The following ANKRD17 variants were observed in gnomAD, a reference collection of about 807,000 sequenced individuals.
The protein encoded by ANKRD17 is ankyrin repeat domain 17, also known as ankyrin repeat domain-containing protein 17.
ANKRD17 carries 19 observed loss-of-function variants against 229.7 expected under a neutral mutation model. That is an observed-to-expected ratio of 0.08 (90% CI 0.06 to 0.12). The LOEUF (loss-of-function observed/expected upper bound fraction) is 0.12. ANKRD17 is among the 10% of genes least tolerant of loss of function. The probability of loss-of-function intolerance (pLI) is 1.00; values close to 1 mark genes in which losing one functional copy is unlikely to be tolerated. For synonymous variants in ANKRD17, 1,112 were observed against 1,146.1 expected, an observed-to-expected ratio of 0.97 and a Z score of 0.60; for missense variants, 2,176 against 3,176.8, an observed-to-expected ratio of 0.68 and a Z score of 7.57.
At chr4:73,203,055 A>G (rs1738887061) in intron 1 of ANKRD17, among the ~76,000 whole-genome samples, 1 of 152,234 alleles carries the variant, frequency 6.6e-6, no homozygotes, top group South Asian at 2.1e-4. Context: ...TTGCACAAAA[A>G]AAGATCAGTG....
intron 16 of ANKRD17, among the ~76,000 whole-genome samples, chr4:73,132,743 ATAGT>A (rs1420027241): frequency 6.6e-6 from 1 of 152,182 alleles, no homozygotes; most frequent in African/African-American, 2.4e-5. Flanking sequence ...TAACATGGTG[ATAGT>A]TGGTGAGTGG....
intron 24 of ANKRD17, chr4:73,113,134 A>C: frequency 8.1e-7 from 1 of 1,233,116 alleles, no homozygotes; most frequent in Non-Finnish European, 1.0e-6. Context: ...CATAATATTC[A>C]ATGCCAAACC....
At position 73,147,379 on chromosome 4, in the gene ANKRD17, C is replaced by T. The variant is rs1384173902; in HGVS notation, c.1621G>A (p.Ala541Thr). The change falls in exon 9 of 34, where the codon GCT becomes ACT. Residue 541 changes from alanine to threonine, a missense_variant. Transcript: ENST00000358602. ...ACTTCCAGAAAGCCTCCACAGCAAG[C>T]CAGAGTCAAGGCAGTTTCTTGAGTT... ...EETQETALTL[A>T]CCGGFLEVAD... 1.2e-6 allele frequency: 2 copies of T among 1,606,024 alleles called. No homozygotes were observed. Among genetic ancestry groups the T allele is most frequent in the Non-Finnish European group, 1.7e-6 (2 of 1,176,080 alleles).
At chr4:73,187,702 T>C (rs894938082) in intron 1 of ANKRD17, among the ~76,000 whole-genome samples, 27 of 152,222 alleles carry the variant, frequency 1.8e-4, no homozygotes, top group African/African-American at 6.5e-4. Flanking sequence ...ATTCCTTCCT[T>C]GCTTTGTTTG....
chr4:73,097,420 A>G (rs1723426781), intron 26 of ANKRD17, 148 bp from the exon 27 acceptor site: 3 of 655,722 alleles, frequency 4.6e-6, no homozygotes, highest in Non-Finnish European at 7.1e-6. Context: ...TATTTAGCAT[A>G]TAATATAGAG....
At chr4:73,080,715 G>C (rs1457970763) in intron 30 of ANKRD17, 1 of 152,220 alleles carries the variant, frequency 6.6e-6, no homozygotes, top group Admixed American at 6.5e-5. Context: ...ATCCCTGGGA[G>C]CCTACCTTAA....
At chr4:73,125,422 C>A (rs921764171) in intron 16 of ANKRD17, 110 bp from the exon 17 acceptor site, 7 of 812,158 alleles carry the variant, frequency 8.6e-6, no homozygotes, top group Non-Finnish European at 1.3e-5. Flanking sequence ...TACCACTCTA[C>A]AATATCAAGC....
At chr4:73,174,093 AGAAGGAAGGAAGGAAGGAAG>A (rs71217453) in intron 2 of ANKRD17, among the ~76,000 whole-genome samples, 66 of 111,306 alleles carry the variant, frequency 5.9e-4, no homozygotes, top group Non-Finnish European at 8.2e-4. Context: ...AAGGGAGGGG[AGAAGGAAGGAAGGAAGGAAG>A]GAAGGAAGGA....
At chr4:73,112,565 A>AT (rs960442663) in intron 24 of ANKRD17, 4 of 483,944 alleles carry the variant, frequency 8.3e-6, no homozygotes, top group Non-Finnish European at 5.4e-6. Context: ...AATAAAATAC[A>AT]TTTTTTCAGA....
intron 1 of ANKRD17, among the ~76,000 whole-genome samples, chr4:73,215,525 T>C (rs1740908470): frequency 1.3e-5 from 2 of 152,224 alleles, no homozygotes; most frequent in Admixed American, 6.5e-5. Flanking sequence ...CCCAAAGTGC[T>C]GGGATTATAG....
rs1050144780 is a variant in ANKRD17, at chr4:73,097,352, A to G, written c.5022-80T>C. 4.2e-6 allele frequency: 5 copies of G among 1,183,960 alleles called. 1 individual carries two copies. Among genetic ancestry groups the G allele is most frequent in the South Asian group, 3.8e-5 (2 of 52,332 alleles). The allele number at this position is 1,183,960 out of a possible 1,614,324, so 73.3% of individuals were successfully genotyped here. A position where few individuals can be genotyped will look rare whatever the true frequency, so the allele number is the denominator to read the frequency against. On this transcript the variant is annotated intron_variant, in intron 26 of 33. Transcript: ENST00000358602. The stretch of plus-strand genomic sequence containing the variant: ...AATGATAAAGGTAGTCTACTACCCA[A>G]TTTTTAAAAATTTATTTTTAAATAA...
chr4:73,197,849 G>C (rs1162995971), intron 1 of ANKRD17, among the ~76,000 whole-genome samples: 2 of 152,100 alleles, frequency 1.3e-5, no homozygotes, highest in Non-Finnish European at 1.5e-5. Context: ...ACTTTCAAGA[G>C]AGAACATTGA....
intron 25 of ANKRD17, 128 bp from the exon 26 acceptor site, chr4:73,098,648 C>A: frequency 1.1e-6 from 1 of 945,130 alleles, no homozygotes. Context: ...AAGTTATTCT[C>A]ACATTCATCG....
chr4:73,213,234 G>A (rs529578278), intron 1 of ANKRD17, among the ~76,000 whole-genome samples: 1 of 152,280 alleles, frequency 6.6e-6, no homozygotes, highest in South Asian at 2.1e-4. Flanking sequence ...CAACAGGACA[G>A]ATTCAAGGTT....
intron 3 of ANKRD17, among the ~76,000 whole-genome samples, chr4:73,158,146 GGAAGAA>G (rs1466601434): frequency 3.2e-5 from 2 of 63,174 alleles, no homozygotes; most frequent in East Asian, 8.8e-4. Context: ...AAGAAAGAAA[GGAAGAA>G]AAAGAAAGAA....
chr4:73,095,176 G>A (rs1311464505), intron 27 of ANKRD17, among the ~76,000 whole-genome samples: 5 of 151,316 alleles, frequency 3.3e-5, no homozygotes, highest in Non-Finnish European at 7.4e-5. Context: ...TCCTTCTCAG[G>A]AAAAAAGAAA....
intron 1 of ANKRD17, among the ~76,000 whole-genome samples, chr4:73,216,948 C>T (rs895283394): frequency 6.6e-6 from 1 of 152,146 alleles, no homozygotes; most frequent in African/African-American, 2.4e-5. Context: ...TATACTAAAC[C>T]AAACCAATGG....
Position 73,251,080 on chromosome 4 carries a change from G to A in ANKRD17, c.393+7196C>T, listed in dbSNP as rs114494853. 1.6e-3 allele frequency among the ~76,000 whole-genome samples: 247 copies of A among 152,058 alleles called. 1 individual carries two copies. Among genetic ancestry groups the A allele is most frequent in the African/African-American group, 5.3e-3 (221 of 41,458 alleles). ...GAAGCCAGGAGTTCAAGACCAGCCT[G>A]GGCAACAAAGTGAGACGCCATCTCT... On this transcript the variant is annotated intron_variant, in intron 1 of 33. Transcript: ENST00000358602.
chr4:73,200,676 A>G (rs1432094242), intron 1 of ANKRD17, among the ~76,000 whole-genome samples: 1 of 152,190 alleles, frequency 6.6e-6, no homozygotes, highest in Admixed American at 6.5e-5. Flanking sequence ...AAATGCCATT[A>G]GTTTTTGTTG....
Sources: allele counts gnomAD v4.1 joint callset (sites outside exome capture counted in the v4.1 genomes callset), GRCh38; gene constraint gnomAD v4.1.1; transcripts MANE v1.5; gene names NCBI Gene and HGNC (gene_info 2026-07-23, HGNC 2026-07-21).